ADCY10: variants seen among roughly 807,000 people sequenced by gnomAD.
ADCY10 encodes the protein adenylate cyclase type 10.
ADCY10 carries 156 observed loss-of-function variants against 183.3 expected under a neutral mutation model. The ratio of observed to expected loss-of-function variants is 0.85; its 90% CI spans 0.75 to 0.97. ADCY10 has a LOEUF of 0.97. Among genes scored for constraint, ADCY10 ranks in the 50% least tolerant of loss-of-function variants. ADCY10 has a pLI of 0.00. For synonymous variants in ADCY10, 645 were observed against 670.0 expected (o/e 0.96, Z 0.58); for missense variants, 1,745 against 1,934.3 (o/e 0.90, Z 1.84).
At chr1:167,882,697 T>TGTAGTGAGAGGTAGCCCAGC in intron 9 of ADCY10, among the ~76,000 whole-genome samples, 1 of 151,848 alleles carries the variant, frequency 6.6e-6, no homozygotes, top group African/African-American at 2.4e-5. Context: ...GAGACTTATG[T>TGTAGTGAGAGGTAGCCCAGC]GTAGTGAGAG....
chr1:167,878,341 A>G, intron 12 of ADCY10, 105 bp downstream of exon 12: 1 of 1,330,064 alleles, frequency 7.5e-7, no homozygotes, highest in Non-Finnish European at 1.1e-6. Context: ...CATAGATTTC[A>G]ACTTTTTGAA....
At chr1:167,814,464 T>C (rs1258921505) in intron 31 of ADCY10, among the ~76,000 whole-genome samples, 7 of 151,616 alleles carry the variant, frequency 4.6e-5, no homozygotes, top group African/African-American at 1.7e-4. Context: ...AAAATAAAAA[T>C]ATAACAATTA....
At chr1:167,861,845 T>TC (rs949987446) in intron 14 of ADCY10, among the ~76,000 whole-genome samples, 1 of 152,136 alleles carries the variant, frequency 6.6e-6, no homozygotes, top group Non-Finnish European at 1.5e-5. Flanking sequence ...TGAGGGCGGT[T>TC]CCCCCCATGC....
chr1:167,894,617 A>G (rs1377980778), intron 7 of ADCY10, among the ~76,000 whole-genome samples: 1 of 151,084 alleles, frequency 6.6e-6, no homozygotes, highest in African/African-American at 2.5e-5. Flanking sequence ...ATGTGAAAAA[A>G]AATGTGTGTG....
intron 12 of ADCY10, 150 bp from the exon 13 acceptor site, chr1:167,875,336 A>T: frequency 1.3e-6 from 1 of 754,886 alleles, no homozygotes; most frequent in Middle Eastern, 2.4e-4. Flanking sequence ...CGCCAAAAGA[A>T]GGAGAAACGA....
intron 16 of ADCY10, among the ~76,000 whole-genome samples, chr1:167,858,566 T>C (rs1191874716): frequency 6.7e-6 from 1 of 149,754 alleles, no homozygotes; most frequent in Non-Finnish European, 1.5e-5. Flanking sequence ...GATATATAAG[T>C]AATGAATGGC....
At chr1:167,846,328 AT>A in intron 19 of ADCY10, 65 bp from the exon 20 acceptor site, 2 of 1,591,298 alleles carry the variant, frequency 1.3e-6, no homozygotes, top group Non-Finnish European at 1.7e-6. Context: ...GCTGTATTTA[AT>A]ATAGAGCAGG....
intron 3 of ADCY10, among the ~76,000 whole-genome samples, chr1:167,903,374 G>A (rs1382416412): frequency 2.0e-5 from 3 of 152,120 alleles, no homozygotes; most frequent in Non-Finnish European, 4.4e-5. Flanking sequence ...GACCAGCCTG[G>A]CCAACATGGT....
chr1:167,865,803 A>C (rs773930396), intron 14 of ADCY10, among the ~76,000 whole-genome samples: 4 of 152,230 alleles, frequency 2.6e-5, no homozygotes, highest in Non-Finnish European at 5.9e-5. Flanking sequence ...GCTTGTGCAC[A>C]TGGCAGGCCA....
rs1662158938 is a variant in ADCY10 at position 167,810,844 on chromosome 1, C to A, written c.4552G>T (p.Ala1518Ser). 6.2e-7 allele frequency: 1 copy of A among 1,614,018 alleles called. No individual in the cohort carries two copies. The highest frequency in any genetic ancestry group is 8.5e-7 in the Non-Finnish European group (1 of 1,180,022). Reference protein sequence around the residue: ...VFCPRLYHLMAYVCILMGDGQ... With the variant: ...VFCPRLYHLMSYVCILMGDGQ... The stretch of plus-strand genomic sequence containing the variant: ...TCTCCCATTAATATACAGACGTAAG[C>A]CATCAGGTGGTAGAGCCTTGGGCAA... The change falls in exon 32 of 33, where the codon GCT becomes TCT. Residue 1518 changes from alanine to serine, a missense_variant. Coordinates refer to ENST00000367851, the MANE Select transcript of ADCY10 (RefSeq NM_018417.6).
chr1:167,820,441 A>C, intron 30 of ADCY10: 1 of 505,164 alleles, frequency 2.0e-6, no homozygotes, highest in Non-Finnish European at 3.4e-6. Flanking sequence ...ATGCCCACTA[A>C]AGTCTGAGCA....
intron 14 of ADCY10, among the ~76,000 whole-genome samples, chr1:167,862,149 CAG>C (rs1666333721): frequency 6.6e-6 from 1 of 152,214 alleles, no homozygotes; most frequent in African/African-American, 2.4e-5. Flanking sequence ...GGGCAGAGAG[CAG>C]ACTTTATTGA....
intron 18 of ADCY10, among the ~76,000 whole-genome samples, chr1:167,853,309 A>G (rs1180951800): frequency 6.6e-6 from 1 of 152,158 alleles, no homozygotes; most frequent in Admixed American, 6.6e-5. Context: ...TCCTCCTGCT[A>G]AATATAGTTA....
chr1:167,820,357 GCCA>G, intron 30 of ADCY10: 1 of 677,454 alleles, frequency 1.5e-6, no homozygotes, highest in Non-Finnish European at 2.3e-6. Flanking sequence ...GAGGGGCGGG[GCCA>G]GCCCGCGCCT....
At chr1:167,880,072 G>A in intron 11 of ADCY10, 43 bp downstream of exon 11, 6 of 1,549,300 alleles carry the variant, frequency 3.9e-6, no homozygotes, top group South Asian at 1.2e-5. Flanking sequence ...GCAAGGTGCT[G>A]TGTTTGCAGA....
chr1:167,908,930 A>T (rs1287877813), intron 1 of ADCY10, among the ~76,000 whole-genome samples: 2 of 152,242 alleles, frequency 1.3e-5, no homozygotes, highest in Non-Finnish European at 2.9e-5. Context: ...CATAACATAC[A>T]TGTAGGAAAA....
intron 26 of ADCY10, among the ~76,000 whole-genome samples, chr1:167,825,996 A>G (rs1488645144): frequency 6.6e-6 from 1 of 152,226 alleles, no homozygotes; most frequent in African/African-American, 2.4e-5. Context: ...AACAGGAAAA[A>G]TAAAGTATCT....
rs1353418394 is a variant in ADCY10, at chr1:167,894,064, G to A, written c.740-123C>T. ...GGCCTTCTTGTCCTTACAGTTGTCA[G>A]GAGACTCTGGGACACCTAGGGGCTG... On this transcript the variant is annotated intron_variant, in intron 7 of 32. Transcript: ENST00000367851. 4 of 712,772 alleles carry A rather than the reference G, an allele frequency of 5.6e-6. No homozygotes were observed. The Admixed American group carries it at 8.2e-5, about 15-fold the overall frequency. 44.2% of individuals were successfully genotyped at this position (712,772 alleles called of 1,614,324 possible). A position where few individuals can be genotyped will look rare whatever the true frequency, so the allele number is the denominator to read the frequency against.
chr1:167,814,452 T>C (rs1272949139), intron 31 of ADCY10, among the ~76,000 whole-genome samples: 5 of 151,596 alleles, frequency 3.3e-5, no homozygotes. Context: ...AATTATATTT[T>C]TAAAATAAAA....
Sources: allele counts gnomAD v4.1 joint callset (sites outside exome capture counted in the v4.1 genomes callset), GRCh38; gene constraint gnomAD v4.1.1; transcripts MANE v1.5; gene names NCBI Gene and HGNC (gene_info 2026-07-23, HGNC 2026-07-21).